MYO5B: variants seen among roughly 807,000 people sequenced by gnomAD.
The protein encoded by MYO5B is unconventional myosin-Vb.
A neutral mutation model predicts 229.3 loss-of-function variants in MYO5B; 143 were observed. The ratio of observed to expected loss-of-function variants is 0.62; its 90% CI spans 0.54 to 0.72. The LOEUF (loss-of-function observed/expected upper bound fraction) is 0.72, where lower values mean the gene tolerates loss of function less well. Among genes scored for constraint, MYO5B ranks in the 30% least tolerant of loss-of-function variants. The pLI is 0.00. For missense variants in MYO5B, 2,321 were observed against 2,331.0 expected (o/e 1.00, Z 0.09); for synonymous variants, 918 against 885.2 (o/e 1.04, Z -0.66).
Position 49,902,802 on chromosome 18 carries a change from T to C in MYO5B, c.2603A>G (p.Gln868Arg). Reference protein sequence around the residue: ...VLMEHKATTIQKHVRGWMARR... With the variant: ...VLMEHKATTIRKHVRGWMARR... ...TGCCATCCAGCCCCGCACGTGCTTC[T>C]GGATGGTGGTGGCCTTGTGCTCCAT... Residue 868 changes from glutamine to arginine, a missense_variant, in exon 21 of 40, where the codon CAG becomes CGG. Gln to Arg is a conservative substitution (Grantham distance 43, BLOSUM62 1). Coordinates refer to ENST00000285039, the MANE Select transcript of MYO5B (RefSeq NM_001080467.3). 1 of 1,601,622 alleles carries C rather than the reference T, an allele frequency of 6.2e-7. No individual in the cohort carries two copies. The highest frequency in any genetic ancestry group is 8.5e-7 in the Non-Finnish European group (1 of 1,179,916).
intron 1 of MYO5B, among the ~76,000 whole-genome samples, chr18:50,071,415 C>T (rs2030955561): frequency 6.6e-6 from 1 of 152,188 alleles, no homozygotes; most frequent in Non-Finnish European, 1.5e-5. Flanking sequence ...CAGGACAGGG[C>T]CTGCAAAGCA....
intron 4 of MYO5B, among the ~76,000 whole-genome samples, chr18:50,032,307 C>G (rs535828676): frequency 2.6e-5 from 4 of 152,232 alleles, no homozygotes; most frequent in Non-Finnish European, 4.4e-5. Flanking sequence ...ATTTTTAGAA[C>G]ACTTCATCAC....
intron 10 of MYO5B, among the ~76,000 whole-genome samples, chr18:49,967,914 G>A (rs927563696): frequency 3.3e-5 from 5 of 152,172 alleles, no homozygotes; most frequent in Admixed American, 6.5e-5. Flanking sequence ...CCAAGGCGAA[G>A]GTCAGTTATT....
At position 49,880,805 on chromosome 18, in the gene MYO5B, A is replaced by G. The variant is rs200565197; in HGVS notation, c.3046-350T>C. Among the ~76,000 whole-genome samples the G allele has an allele frequency of 2.0e-4, 31 of 152,368 alleles. No homozygotes were observed. In the South Asian group the frequency reaches 2.9e-3, roughly 14 times the overall value. ...ACCAAGTCAGCATTCCACTGAGGCTACATGATCCAATAGCAAACTGTTTAT... is the reference window on the plus strand; with the variant it reads ...ACCAAGTCAGCATTCCACTGAGGCTGCATGATCCAATAGCAAACTGTTTAT... On this transcript the variant is annotated intron_variant, in intron 22 of 39. Transcript: ENST00000285039.
chr18:49,936,348 A>T lies in MYO5B; in HGVS notation c.1907T>A (p.Phe636Tyr). The T allele has an allele frequency of 6.3e-7, 1 of 1,588,320 alleles. No homozygotes were observed. The highest frequency in any genetic ancestry group is 8.6e-7 in the Non-Finnish European group (1 of 1,165,044). ...KEHKKTVGHQ[F>Y]RTSLHLLMET... ...CATGAGCAGATGCAGGGAGGTACGG[A>T]ACTAGAGAGACAAAAGCCAGTGCTT... The change falls in exon 16 of 40, where the codon TTC becomes TAC. Residue 636 changes from phenylalanine to tyrosine, a missense_variant and splice_region_variant. Phe to Tyr is a conservative substitution (Grantham distance 22). Transcript: ENST00000285039.
chr18:49,928,323 G>A (rs2025152417), intron 17 of MYO5B, among the ~76,000 whole-genome samples: 1 of 152,170 alleles, frequency 6.6e-6, no homozygotes, highest in African/African-American at 2.4e-5. Flanking sequence ...AAAACAGTGT[G>A]GATATTCCTT....
intron 4 of MYO5B, among the ~76,000 whole-genome samples, chr18:50,002,719 G>A (rs567020592): frequency 6.6e-6 from 1 of 152,186 alleles, no homozygotes; most frequent in Non-Finnish European, 1.5e-5. Flanking sequence ...GTCTGTAACT[G>A]TGCCTGGCAC....
At position 49,872,171 on chromosome 18, in the gene MYO5B, A is replaced by C. The variant is rs2024462636; in HGVS notation, c.3599T>G (p.Leu1200Arg). The change falls in exon 27 of 40, where the codon CTG becomes CGG. Residue 1200 changes from leucine (L) to arginine (R), a missense_variant. Physicochemically the swap from Leu to Arg is moderately radical, Grantham distance 102. This residue lies in a region of MYO5B where 2,113 missense variants were observed against 2,044.7 expected (regional missense o/e 1.03). Coordinates refer to ENST00000285039, the MANE Select transcript of MYO5B (RefSeq NM_001080467.3). ...DPNADLAYNSLKRQELESENK... is the reference protein window; with the variant it reads ...DPNADLAYNSRKRQELESENK... ...CCTGTCCCCCAAGAATCTTACCTTC[A>C]GACTATTGTAGGCCAGATCTGCATT... 1.2e-6 allele frequency: 2 copies of C among 1,614,028 alleles called. No homozygotes were observed. The highest frequency in any genetic ancestry group is 4.5e-5 in the East Asian group (2 of 44,864).
chr18:49,980,463 C>T lies in MYO5B; in HGVS notation c.1037G>A (p.Gly346Asp). 2 of 1,612,384 alleles carry T rather than the reference C, an allele frequency of 1.2e-6. No homozygotes were observed. Among genetic ancestry groups the T allele is most frequent in the Non-Finnish European group, 1.7e-6 (2 of 1,178,460 alleles). ...GSVAIQAERD[G>D]DSCSISPQDV... ...ACTTACTGATATACTACAGGAATCA[C>T]CATCACGCTCAGCCTGAATCGCCAC... The change falls in exon 9 of 40, where the codon GGT (glycine) becomes GAT (aspartate). Residue 346 changes from glycine (G) to aspartate (D), a missense_variant. By Grantham distance (94) the Gly-to-Asp change is moderately conservative. Around this residue, in one of 2 missense-constraint regions of MYO5B, gnomAD observed 2,113 missense variants for 2,044.7 expected, o/e 1.03. Coordinates refer to ENST00000285039, the MANE Select transcript of MYO5B (RefSeq NM_001080467.3).
chr18:49,963,216 G>C (rs536025865), intron 10 of MYO5B, among the ~76,000 whole-genome samples, 186 bp from the exon 11 acceptor site: 4 of 152,096 alleles, frequency 2.6e-5, no homozygotes, highest in Non-Finnish European at 4.4e-5. Flanking sequence ...TGAAGAACAT[G>C]TCTATTTTCA....
chr18:50,121,013 A>G (rs1034355821), intron 1 of MYO5B, among the ~76,000 whole-genome samples: 30 of 152,294 alleles, frequency 2.0e-4, no homozygotes, highest in African/African-American at 7.0e-4. Flanking sequence ...ACTTACGGCC[A>G]GTGCAGATGC....
In MYO5B at chr18:49,839,251, A is replaced by T. The variant is rs1028268632; in HGVS notation, c.4745T>A (p.Leu1582His). The change falls in exon 36 of 40, where the codon CTT becomes CAT. Residue 1582 changes from leucine to histidine, a missense_variant. By Grantham distance (99) the Leu-to-His change is moderately conservative (BLOSUM62 -3). Transcript: ENST00000285039. ...GTATTCGGTGAGGTCAAAATTCTTA[A>T]GACAGTGTTCATTCTGCTTTGCAGT... ...QNTAKQNEHCLKNFDLTEYRQ... is the reference protein window; with the variant it reads ...QNTAKQNEHCHKNFDLTEYRQ... The T allele has an allele frequency of 1.9e-6, 3 of 1,614,204 alleles. No individual in the cohort carries two copies. Among genetic ancestry groups the T allele is most frequent in the Non-Finnish European group, 2.5e-6 (3 of 1,180,038 alleles).
intron 16 of MYO5B, among the ~76,000 whole-genome samples, chr18:49,932,241 G>A (rs1338011564): frequency 6.6e-6 from 1 of 152,134 alleles, no homozygotes; most frequent in African/African-American, 2.4e-5. Flanking sequence ...CTGTTGAAGG[G>A]CCAGGCAATG....
chr18:50,053,088 G>C (rs2030445228), intron 2 of MYO5B, among the ~76,000 whole-genome samples: 1 of 152,158 alleles, frequency 6.6e-6, no homozygotes, highest in South Asian at 2.1e-4. Context: ...CATTCAAAGT[G>C]TGGCCACGTA....
At chr18:50,073,360 A>C (rs1441921912) in intron 1 of MYO5B, among the ~76,000 whole-genome samples, 1 of 152,186 alleles carries the variant, frequency 6.6e-6, no homozygotes, top group East Asian at 1.9e-4. Flanking sequence ...AAATGAACTC[A>C]AACCCAGGTG....
intron 3 of MYO5B, among the ~76,000 whole-genome samples, chr18:50,038,512 A>C (rs1267981387): frequency 1.3e-5 from 2 of 152,236 alleles, no homozygotes; most frequent in African/African-American, 4.8e-5. Flanking sequence ...GAATCCTCTT[A>C]GGAACAGCCT....
At chr18:50,140,462 C>T (rs2032401163) in intron 1 of MYO5B, among the ~76,000 whole-genome samples, 1 of 152,176 alleles carries the variant, frequency 6.6e-6, no homozygotes, top group Non-Finnish European at 1.5e-5. Context: ...TGGAGATAAA[C>T]TGTTTCTCAC....
At chr18:49,847,430 C>G in intron 32 of MYO5B, 141 bp from the exon 33 acceptor site, 1 of 1,048,778 alleles carries the variant, frequency 9.5e-7, no homozygotes, top group Non-Finnish European at 1.4e-6. Context: ...GCACCTGGGG[C>G]AGGGGGCATA....
At chr18:50,077,276 T>C (rs1280596507) in intron 1 of MYO5B, among the ~76,000 whole-genome samples, 1 of 151,876 alleles carries the variant, frequency 6.6e-6, no homozygotes, top group African/African-American at 2.4e-5. Context: ...GTCTGCTCTA[T>C]GCGTTCAAGT....
Sources: gnomAD v4.1 joint callset for allele counts (sites outside exome capture counted in the v4.1 genomes callset) on GRCh38, gnomAD v4.1.1 for gene constraint, gnomAD v4.1.1 regional missense constraint, MANE v1.5 for transcripts, NCBI Gene and HGNC (gene_info 2026-07-23, HGNC 2026-07-21) for gene names.